The following GSN variants were observed in gnomAD, a reference collection of about 807,000 sequenced individuals.
The protein encoded by GSN is actin-depolymerizing factor.
GSN carries 56 observed loss-of-function variants against 85.7 expected under a neutral mutation model. That is an observed-to-expected ratio of 0.65 (90% confidence interval 0.53 to 0.82). The LOEUF (loss-of-function observed/expected upper bound fraction) is 0.82, where lower values mean the gene tolerates loss of function less well. Among genes scored for constraint, GSN ranks in the 40% least tolerant of loss-of-function variants. GSN has a pLI of 0.00. For missense variants in GSN, 857 were observed against 979.8 expected, an observed-to-expected ratio of 0.87 and a Z score of 1.67; for synonymous variants, 373 against 399.1, an observed-to-expected ratio of 0.93 and a Z score of 0.78.
At chr9:121,278,881 A>C (rs2056989621) in intron 1 of GSN, among the ~76,000 whole-genome samples, 1 of 152,200 alleles carries the variant, frequency 6.6e-6, no homozygotes, top group African/African-American at 2.4e-5. Context: ...GGAGAGTGTA[A>C]TGCTTTTCTT....
Position 121,299,626 on chromosome 9 carries a change from C to T in GSN, c.-9-2337C>T. ...TTAGTGTGCACACAGCTAGCGCCCG[C>T]CGTATGTCAGGCCTGGTGCTGGGTC... On this transcript the variant is annotated intron_variant, in intron 2 of 17. Coordinates refer to ENST00000432226, the MANE Select transcript of GSN (RefSeq NM_198252.3). This position sits in a 1 kb window ranked among gnomAD's most constrained non-coding sequence, Gnocchi z 4.2. 1 of 475,952 alleles carries T rather than the reference C, an allele frequency of 2.1e-6. No individual in the cohort carries two copies. Among genetic ancestry groups the T allele is most frequent in the Non-Finnish European group, 2.7e-6 (1 of 364,168 alleles). 29.5% of individuals were successfully genotyped at this position (475,952 alleles called of 1,614,324 possible).
chr9:121,287,641 G>A (rs957361071), intron 2 of GSN, among the ~76,000 whole-genome samples: 1 of 151,446 alleles, frequency 6.6e-6, no homozygotes, highest in African/African-American at 2.4e-5. Context: ...CCCTTCTCTT[G>A]CAGAATGCTT....
chr9:121,234,797 T>A (rs1377179334), intron 5 of GSN, among the ~76,000 whole-genome samples: 1 of 152,196 alleles, frequency 6.6e-6, no homozygotes, highest in Non-Finnish European at 1.5e-5. Flanking sequence ...TGCAGTGAGC[T>A]ATGATTGCAT....
chr9:121,307,143 T>C (rs1276376138), intron 4 of GSN, among the ~76,000 whole-genome samples: 2 of 152,032 alleles, frequency 1.3e-5, no homozygotes, highest in Non-Finnish European at 2.9e-5. Context: ...ATCGTACCAC[T>C]GCATTCCAGC....
At chr9:121,293,443 C>G (rs996264816) in intron 2 of GSN, among the ~76,000 whole-genome samples, 3 of 151,132 alleles carry the variant, frequency 2.0e-5, no homozygotes, top group African/African-American at 7.3e-5. Context: ...AACATACACA[C>G]ATCATAAAAT....
chr9:121,205,592 G>T (rs926114271), upstream of GSN, among the ~76,000 whole-genome samples: 3 of 152,098 alleles, frequency 2.0e-5, no homozygotes, highest in Non-Finnish European at 4.4e-5. Context: ...TGACTTTCTA[G>T]TCCCAGATTG....
At chr9:121,204,983 TC>T (rs2053859248), upstream of GSN, among the ~76,000 whole-genome samples, 1 of 152,216 alleles carries the variant, frequency 6.6e-6, no homozygotes, top group South Asian at 2.1e-4. Context: ...ATACATCTCT[TC>T]CTATTGTCCT....
At chr9:121,274,033 A>G (rs1460438114) in intron 1 of GSN, among the ~76,000 whole-genome samples, 3 of 152,142 alleles carry the variant, frequency 2.0e-5, no homozygotes, top group Admixed American at 6.5e-5. Context: ...TCCCCCTTCC[A>G]TGGCTTTCTA....
chr9:121,316,736 G>A (rs576260121), intron 7 of GSN, among the ~76,000 whole-genome samples: 6 of 152,304 alleles, frequency 3.9e-5, no homozygotes, highest in African/African-American at 1.4e-4. Flanking sequence ...CTCCCAGAGC[G>A]CTGGGATTAA....
intron 2 of GSN, among the ~76,000 whole-genome samples, chr9:121,289,161 T>G (rs1298472353): frequency 1.3e-5 from 2 of 148,826 alleles, no homozygotes; most frequent in East Asian, 2.0e-4. Context: ...AGGCAGTCTG[T>G]TTTTTTTTTC....
chr9:121,225,690 G>A (rs1363790704), intron 4 of GSN, among the ~76,000 whole-genome samples: 2 of 152,170 alleles, frequency 1.3e-5, no homozygotes, highest in Non-Finnish European at 2.9e-5. Context: ...ACACCATCTC[G>A]AACTCTTATC....
At chr9:121,245,606 C>T (rs958547115) in intron 5 of GSN, among the ~76,000 whole-genome samples, 1 of 152,176 alleles carries the variant, frequency 6.6e-6, no homozygotes, top group Non-Finnish European at 1.5e-5. Flanking sequence ...AGCGATGCTC[C>T]TGCCTCGGCC....
At chr9:121,227,209 C>A (rs137888961) in intron 4 of GSN, among the ~76,000 whole-genome samples, 3,908 of 152,190 alleles carry the variant, frequency 0.026, 72 homozygotes, top group Non-Finnish European at 0.04. Flanking sequence ...GCCTGGCCAA[C>A]ATGGTGAAAC....
Position 121,312,320 on chromosome 9 carries a change from C to G in GSN, c.514-19C>G, listed in dbSNP as rs1325819397. The G allele has an allele frequency of 1.9e-6, 3 of 1,613,816 alleles. No individual in the cohort carries two copies. Among genetic ancestry groups the G allele is most frequent in the Non-Finnish European group, 2.5e-6 (3 of 1,179,900 alleles). On this transcript the variant is annotated intron_variant, in intron 5 of 17. Transcript: ENST00000432226. ...TATAGGAAGGCGGGGCACTGACTTC[C>G]TGGGTCTCTGTCTTCCAGAACATCC...
chr9:121,321,173 C>A, intron 10 of GSN, 95 bp from the exon 11 acceptor site: 1 of 1,347,808 alleles, frequency 7.4e-7, no homozygotes, highest in Non-Finnish European at 1.1e-6. Context: ...CATCCCATGG[C>A]CTAACCACAA....
chr9:121,223,457 A>G (rs999639094), intron 4 of GSN, among the ~76,000 whole-genome samples: 3 of 152,288 alleles, frequency 2.0e-5, no homozygotes, highest in South Asian at 4.1e-4. Flanking sequence ...AAGGATCTAG[A>G]CAACACAGAG....
At chr9:121,272,393 G>T (rs2132402056) in intron 1 of GSN, among the ~76,000 whole-genome samples, 1 of 152,302 alleles carries the variant, frequency 6.6e-6, no homozygotes, top group Non-Finnish European at 1.5e-5. Flanking sequence ...GCCTTTCTCT[G>T]GGCCCCAGTG....
At chr9:121,242,860 G>A (rs1183703865) in intron 5 of GSN, among the ~76,000 whole-genome samples, 2 of 152,132 alleles carry the variant, frequency 1.3e-5, no homozygotes, top group Non-Finnish European at 2.9e-5. Context: ...CCTTAAGAAA[G>A]AGGAAAATTT....
intron 4 of GSN, among the ~76,000 whole-genome samples, chr9:121,211,044 C>G (rs1217282997): frequency 6.6e-6 from 1 of 152,112 alleles, no homozygotes; most frequent in Non-Finnish European, 1.5e-5. Flanking sequence ...CAAGGATGAA[C>G]CATTATGCTA....
Sources: allele counts gnomAD v4.1 joint callset (sites outside exome capture counted in the v4.1 genomes callset), GRCh38; gene constraint gnomAD v4.1.1; non-coding constraint Gnocchi (gnomAD v3.1); transcripts MANE v1.5; gene names NCBI Gene and HGNC (gene_info 2026-07-23, HGNC 2026-07-21).